Variants in KCNIP4 observed in about 807,000 individuals in gnomAD.
KCNIP4 encodes potassium voltage-gated channel interacting protein 4.
A neutral mutation model predicts 34.0 loss-of-function variants in KCNIP4; 12 were observed. That is an observed-to-expected ratio of 0.35 (90% CI 0.23 to 0.57). KCNIP4 has a LOEUF of 0.57. KCNIP4 is among the 20% of genes least tolerant of loss of function. The pLI is 0.83. For missense variants in KCNIP4, 238 were observed against 311.7 expected (o/e 0.76, Z 1.78); for synonymous variants, 124 against 102.2 (o/e 1.21, Z -1.29).
intron 1 of KCNIP4, among the ~76,000 whole-genome samples, chr4:21,585,898 A>C (rs562101163): frequency 3.6e-4 from 55 of 152,248 alleles, no homozygotes; most frequent in South Asian, 6.2e-4. Context: ...GATTATAATT[A>C]AGTTGAACAA....
rs548497078 is a variant in KCNIP4 at position 21,636,792 on chromosome 4, T to G, written c.61+311779A>C. 2.6e-5 allele frequency among the ~76,000 whole-genome samples: 4 copies of G among 152,298 alleles called. No individual in the cohort carries two copies. The East Asian group carries it at 7.7e-4, about 29-fold the overall frequency. On this transcript the variant is annotated intron_variant, in intron 1 of 8. Transcript: ENST00000382152. ...ATAATATAACAGAAACCATTCTACA[T>G]GAGTCCAAAGCAGAAGCTACAACAA...
chr4:20,949,464 T>C (rs915680152), intron 1 of KCNIP4, among the ~76,000 whole-genome samples: 1 of 152,104 alleles, frequency 6.6e-6, no homozygotes, highest in Non-Finnish European at 1.5e-5. Flanking sequence ...TCCTCAGGGA[T>C]CTAGAACTAG....
intron 2 of KCNIP4, among the ~76,000 whole-genome samples, chr4:20,851,950 G>GGCTGCAGTGAGCAGTGATGGCACC (rs1281934881): frequency 6.6e-6 from 1 of 152,158 alleles, no homozygotes; most frequent in East Asian, 1.9e-4. Context: ...AGGAGGCTGA[G>GGCTGCAGTGAGCAGTGATGGCACC]GCTGCAGTGA....
chr4:21,567,492 G>A (rs1350998821), intron 1 of KCNIP4, among the ~76,000 whole-genome samples: 1 of 151,812 alleles, frequency 6.6e-6, no homozygotes, highest in Non-Finnish European at 1.5e-5. Context: ...AATCTTAGTA[G>A]AATAAAACAA....
chr4:20,873,148 T>C (rs1294617601), intron 2 of KCNIP4, among the ~76,000 whole-genome samples: 2 of 152,222 alleles, frequency 1.3e-5, no homozygotes, highest in Non-Finnish European at 2.9e-5. Flanking sequence ...TTTTGACTTT[T>C]GTCATCTCTT....
rs189767306 is a variant in KCNIP4 at position 21,057,139 on chromosome 4, A to G, written c.62-174430T>C. Among the ~76,000 whole-genome samples, 151 of 152,242 alleles carry G rather than the reference A, an allele frequency of 9.9e-4. 1 individual carries two copies. Among genetic ancestry groups the G allele is most frequent in the Admixed American group, 1.9e-3 (29 of 15,286 alleles). On this transcript the variant is annotated intron_variant, in intron 1 of 8. Coordinates refer to ENST00000382152, the MANE Select transcript of KCNIP4 (RefSeq NM_025221.6). ...CCAAATTGTAAATGTAGGAGTATCT[A>G]TGTGGGAACTAATTGAACCACTGAG... is the stretch of plus-strand genomic sequence containing the variant.
At chr4:20,928,489 A>G (rs942472793) in intron 1 of KCNIP4, among the ~76,000 whole-genome samples, 3 of 152,002 alleles carry the variant, frequency 2.0e-5, no homozygotes, top group Admixed American at 6.6e-5. Context: ...ATAAAGGTTT[A>G]TAACAATAAA....
At chr4:20,806,626 T>A (rs1374837982) in intron 3 of KCNIP4, among the ~76,000 whole-genome samples, 1 of 152,086 alleles carries the variant, frequency 6.6e-6, no homozygotes, top group Admixed American at 6.6e-5. Flanking sequence ...AAGCAGTTTA[T>A]ATAGGGTGGG....
chr4:21,174,665 C>T (rs1754264445), intron 1 of KCNIP4, among the ~76,000 whole-genome samples: 2 of 151,866 alleles, frequency 1.3e-5, no homozygotes, highest in South Asian at 4.1e-4. Flanking sequence ...TTTGGGAGGC[C>T]GAGGTGGGCA....
intron 1 of KCNIP4, among the ~76,000 whole-genome samples, chr4:20,992,490 T>C (rs1325377230): frequency 2.0e-5 from 3 of 152,132 alleles, no homozygotes; most frequent in Non-Finnish European, 4.4e-5. Flanking sequence ...AGCCAAACCA[T>C]ATCAAGATTA....
intron 1 of KCNIP4, among the ~76,000 whole-genome samples, chr4:21,124,150 T>C (rs1303599731): frequency 6.6e-6 from 1 of 152,202 alleles, no homozygotes; most frequent in African/African-American, 2.4e-5. Flanking sequence ...TTTAACAGAA[T>C]AGTTGTATTT....
At chr4:21,318,512 G>T (rs1714027487) in intron 1 of KCNIP4, among the ~76,000 whole-genome samples, 1 of 152,058 alleles carries the variant, frequency 6.6e-6, no homozygotes, top group African/African-American at 2.4e-5. Context: ...TTTTGAAAAG[G>T]TCATTTTTCT....
In KCNIP4 at chr4:21,879,528, A is replaced by G. The variant is rs188493173; in HGVS notation, c.61+69043T>C. Among the ~76,000 whole-genome samples the G allele has an allele frequency of 2.2e-4, 34 of 152,342 alleles. No homozygotes were observed. In the East Asian group the frequency reaches 6.0e-3, roughly 27 times the overall value. ...CTTCTTGTCCAAACTTTAACTCAAT[A>G]GATCGACTTCATCATTTTGTTCTGT... On this transcript the variant is annotated intron_variant, in intron 1 of 8. Coordinates refer to ENST00000382152, the MANE Select transcript of KCNIP4 (RefSeq NM_025221.6).
chr4:20,791,308 A>G (rs1370722617), intron 3 of KCNIP4, among the ~76,000 whole-genome samples: 1 of 152,192 alleles, frequency 6.6e-6, no homozygotes, highest in African/African-American at 2.4e-5. Context: ...AAGTCATTCA[A>G]GCAGCAGAAA....
chr4:21,937,151 G>T (rs894823421), intron 1 of KCNIP4, among the ~76,000 whole-genome samples: 3 of 152,038 alleles, frequency 2.0e-5, no homozygotes, highest in Admixed American at 6.6e-5. Flanking sequence ...CTCTGAAATG[G>T]ATTAAATTTG....
At chr4:21,586,330 T>C (rs1741605089) in intron 1 of KCNIP4, among the ~76,000 whole-genome samples, 1 of 152,038 alleles carries the variant, frequency 6.6e-6, no homozygotes, top group African/African-American at 2.4e-5. Flanking sequence ...GTCTGGCTCA[T>C]TGTAGGTGCT....
Position 21,303,746 on chromosome 4 carries a change from C to T in KCNIP4, c.62-421037G>A, listed in dbSNP as rs545092667. On this transcript the variant is annotated intron_variant, in intron 1 of 8. Transcript: ENST00000382152. ...CATTTCAGGTGCCTCTTACATTCAC[C>T]TAAGACATTTTCATTGCAAAACAGA... 4.4e-5 allele frequency: 60 copies of T among 1,378,734 alleles called. No homozygotes were observed. The African/African-American group carries it at 7.8e-4, about 18-fold the overall frequency. 85.4% of individuals were successfully genotyped at this position (1,378,734 alleles called of 1,614,324 possible). A position where few individuals can be genotyped will look rare whatever the true frequency, so the allele number is the denominator to read the frequency against.
intron 1 of KCNIP4, among the ~76,000 whole-genome samples, chr4:21,596,443 G>A (rs185566875): frequency 2.1e-4 from 32 of 152,138 alleles, no homozygotes; most frequent in African/African-American, 7.7e-4. Context: ...TTGCTTTTAG[G>A]AGTTGATCTC....
chr4:21,863,653 G>A (rs1389038580), intron 1 of KCNIP4, among the ~76,000 whole-genome samples: 1 of 152,138 alleles, frequency 6.6e-6, no homozygotes, highest in African/African-American at 2.4e-5. Context: ...GTGACACACA[G>A]GGCTTAGAGC....
Sources: gnomAD v4.1 joint callset for allele counts (sites outside exome capture counted in the v4.1 genomes callset) on GRCh38, gnomAD v4.1.1 for gene constraint, MANE v1.5 for transcripts, NCBI Gene and HGNC (gene_info 2026-07-23, HGNC 2026-07-21) for gene names.